Variants in BNC2 observed in about 807,000 individuals in gnomAD.
BNC2 encodes the protein basonuclin zinc finger protein 2.
A neutral mutation model predicts 76.3 loss-of-function variants in BNC2; 20 were observed. The ratio of observed to expected loss-of-function variants is 0.26; its 90% CI spans 0.18 to 0.38. BNC2 has a LOEUF of 0.38. Among genes scored for constraint, BNC2 ranks in the 10% least tolerant of loss-of-function variants. The probability of loss-of-function intolerance (pLI) is 1.00; values close to 1 mark genes in which losing one functional copy is unlikely to be tolerated. For missense variants in BNC2, 1,382 were observed against 1,399.8 expected (o/e 0.99, Z 0.20); for synonymous variants, 582 against 514.8 (o/e 1.13, Z -1.77).
intron 3 of BNC2, among the ~76,000 whole-genome samples, chr9:16,674,363 C>G (rs986132206): frequency 3.9e-5 from 6 of 152,118 alleles, no homozygotes; most frequent in Non-Finnish European, 7.4e-5. Context: ...ATCCCTGAAT[C>G]CAGACCCACT....
intron 1 of BNC2, among the ~76,000 whole-genome samples, chr9:16,841,960 C>G (rs1049281438): frequency 6.6e-6 from 1 of 152,132 alleles, no homozygotes; most frequent in Non-Finnish European, 1.5e-5. Context: ...CAGGCATGCA[C>G]TACCACGTCC....
At chr9:16,865,577 C>G (rs974481466) in intron 1 of BNC2, among the ~76,000 whole-genome samples, 2 of 152,050 alleles carry the variant, frequency 1.3e-5, no homozygotes, top group African/African-American at 4.8e-5. Flanking sequence ...CACTATACCT[C>G]AAGGGAAGGT....
At chr9:16,475,217 T>A (rs1001266331) in intron 5 of BNC2, among the ~76,000 whole-genome samples, 3 of 152,202 alleles carry the variant, frequency 2.0e-5, no homozygotes, top group Non-Finnish European at 4.4e-5. Flanking sequence ...AATGTGCCTA[T>A]ATAATAGATG....
At chr9:16,751,432 GAA>G (rs1825191915) in intron 1 of BNC2, among the ~76,000 whole-genome samples, 2 of 151,810 alleles carry the variant, frequency 1.3e-5, no homozygotes, top group South Asian at 4.1e-4. Context: ...ACTCTCTCAA[GAA>G]AAAGTCTTAT....
At chr9:16,751,279 A>AC (rs1825185479) in intron 1 of BNC2, among the ~76,000 whole-genome samples, 1 of 151,136 alleles carries the variant, frequency 6.6e-6, no homozygotes, top group Non-Finnish European at 1.5e-5. Flanking sequence ...AAAAAAAAAA[A>AC]CCCTAGTATA....
At chr9:16,678,566 G>C (rs1322455270) in intron 3 of BNC2, among the ~76,000 whole-genome samples, 1 of 151,794 alleles carries the variant, frequency 6.6e-6, no homozygotes, top group South Asian at 2.1e-4. Context: ...GCCTGGCCAT[G>C]TATCTGTTTT....
intron 1 of BNC2, among the ~76,000 whole-genome samples, chr9:16,850,271 C>T (rs570651551): frequency 1.3e-5 from 2 of 152,060 alleles, no homozygotes; most frequent in African/African-American, 4.8e-5. Flanking sequence ...CAAAGGGCTA[C>T]AAAATAATAA....
intron 6 of BNC2, among the ~76,000 whole-genome samples, chr9:16,427,713 C>T (rs1820828900): frequency 6.6e-6 from 1 of 152,170 alleles, no homozygotes. Context: ...CCAAGAATTT[C>T]ACCTTGGGTG....
intron 4 of BNC2, among the ~76,000 whole-genome samples, chr9:16,561,514 C>T (rs1241950406): frequency 6.6e-6 from 1 of 152,096 alleles, no homozygotes; most frequent in African/African-American, 2.4e-5. Flanking sequence ...CTTGCAGTTC[C>T]ATATTTACTC....
chr9:16,671,611 C>A (rs1822480207), intron 3 of BNC2, among the ~76,000 whole-genome samples: 1 of 152,208 alleles, frequency 6.6e-6, no homozygotes, highest in African/African-American at 2.4e-5. Flanking sequence ...AGAAACTGGA[C>A]ATACAGCTCA....
At chr9:16,821,104 G>A (rs1021411689) in intron 1 of BNC2, among the ~76,000 whole-genome samples, 7 of 151,852 alleles carry the variant, frequency 4.6e-5, no homozygotes, top group Non-Finnish European at 7.4e-5. Context: ...GTGGTGGCAC[G>A]CACCTGTAAT....
Position 16,528,617 on chromosome 9 carries a change from T to C in BNC2, c.669+23913A>G, listed in dbSNP as rs556714444. ...AATAGTTTTAGAAGTACCTACATAA[T>C]GACCTGGCAATTCTACTTCTAAATA... On this transcript the variant is annotated intron_variant, in intron 5 of 6. Coordinates refer to ENST00000380672, the MANE Select transcript of BNC2 (RefSeq NM_017637.6). Among the ~76,000 whole-genome samples, 29 of 152,328 alleles carry C rather than the reference T, an allele frequency of 1.9e-4. No homozygotes were observed. The Middle Eastern group carries it at 0.01, about 54-fold the overall frequency.
intron 5 of BNC2, among the ~76,000 whole-genome samples, chr9:16,542,664 A>G (rs1022123624): frequency 3.9e-5 from 6 of 152,244 alleles, no homozygotes; most frequent in Non-Finnish European, 7.3e-5. Context: ...GCTTCAGATC[A>G]TCAGGCCTAG....
intron 3 of BNC2, among the ~76,000 whole-genome samples, chr9:16,633,534 G>A (rs949045078): frequency 6.6e-6 from 1 of 152,168 alleles, no homozygotes; most frequent in Non-Finnish European, 1.5e-5. Context: ...TTTTTTGGTA[G>A]TGCGGTAGCT....
intron 5 of BNC2, among the ~76,000 whole-genome samples, chr9:16,463,924 T>C (rs1184870858): frequency 1.3e-5 from 2 of 151,666 alleles, no homozygotes; most frequent in Admixed American, 1.3e-4. Context: ...GGCGAAACCT[T>C]GTCTCTACTT....
At chr9:16,647,199 C>T (rs1288442080) in intron 3 of BNC2, among the ~76,000 whole-genome samples, 1 of 152,128 alleles carries the variant, frequency 6.6e-6, no homozygotes, top group African/African-American at 2.4e-5. Context: ...GGGCACAGCA[C>T]ATGTTCCAAT....
chr9:16,642,600 T>C (rs575643766), intron 3 of BNC2, among the ~76,000 whole-genome samples: 14 of 152,308 alleles, frequency 9.2e-5, no homozygotes, highest in South Asian at 6.2e-4. Flanking sequence ...AATCTACAAC[T>C]AGTGGCCAAG....
At chr9:16,781,873 A>G (rs948906541) in intron 1 of BNC2, among the ~76,000 whole-genome samples, 1 of 152,216 alleles carries the variant, frequency 6.6e-6, no homozygotes, top group African/African-American at 2.4e-5. Context: ...ACAAAATAGC[A>G]TATTTGATAT....
At chr9:16,676,829 T>G (rs1822658668) in intron 3 of BNC2, among the ~76,000 whole-genome samples, 1 of 152,204 alleles carries the variant, frequency 6.6e-6, no homozygotes, top group Non-Finnish European at 1.5e-5. Context: ...ACTGTTTTTT[T>G]CCCTGTAAAT....
Sources: allele counts gnomAD v4.1 joint callset (sites outside exome capture counted in the v4.1 genomes callset), GRCh38; gene constraint gnomAD v4.1.1; transcripts MANE v1.5; gene names NCBI Gene and HGNC (gene_info 2026-07-23, HGNC 2026-07-21).